Variants in PARP6 observed in about 807,000 individuals in gnomAD.
PARP6 encodes protein mono-ADP-ribosyltransferase PARP6.
A neutral mutation model predicts 92.0 loss-of-function variants in PARP6; 27 were observed. The ratio of observed to expected loss-of-function variants is 0.29; its 90% confidence interval spans 0.22 to 0.40. PARP6 has a LOEUF of 0.40. Ranked by LOEUF, PARP6 falls within the 10% of genes least tolerant of loss-of-function variation. The pLI is 1.00. For missense variants in PARP6, 501 were observed against 784.5 expected (o/e 0.64, Z 4.32); for synonymous variants, 272 against 281.2 (o/e 0.97, Z 0.33).
rs2085751811 is a variant in PARP6, at chr15:72,260,685, A to T, written c.549T>A (p.Ser183=). Residue 183 remains serine (S), a synonymous_variant, in exon 10 of 24, where the codon TCT becomes TCA. Coordinates refer to ENST00000569795, the MANE Select transcript of PARP6 (RefSeq NM_001323532.2). ...GLSIFSPIPK[S]PSFPIIQDSM... Reference sequence around the variant, plus strand: ...AGTCCTGTATGATAGGGAAACTGGGAGACCTGCAGAGAGAGAGCAAAGAGA... The same window carrying T: ...AGTCCTGTATGATAGGGAAACTGGGTGACCTGCAGAGAGAGAGCAAAGAGA... 1 of 1,607,776 alleles carries T rather than the reference A, an allele frequency of 6.2e-7. No homozygotes were observed. Among genetic ancestry groups the T allele is most frequent in the Non-Finnish European group, 8.5e-7 (1 of 1,174,220 alleles).
intron 20 of PARP6, among the ~76,000 whole-genome samples, chr15:72,247,357 G>A (rs553297642): frequency 4.6e-5 from 7 of 151,998 alleles, no homozygotes; most frequent in Non-Finnish European, 1.0e-4. Context: ...TTTTTTTGCA[G>A]AGATGGGGTA....
Position 72,242,722 on chromosome 15 carries a change from C to A in PARP6, c.1562-23G>T. On this transcript the variant is annotated intron_variant, in intron 20 of 23. Transcript: ENST00000569795. This position sits in a 1 kb window ranked among gnomAD's most constrained non-coding sequence, Gnocchi z 4.3. ...TTCCTGTCACAGAACAATACACCCA[C>A]TTCATTTATCAAAAATTTACGAAAG... 6.5e-7 allele frequency: 1 copy of A among 1,537,492 alleles called. No homozygotes were observed.
Position 72,265,441 on chromosome 15 carries a change from T to C in PARP6, c.209A>G (p.Asp70Gly), listed in dbSNP as rs760665671. Reference protein sequence around the residue: ...EYGTIDDVDIDLHINISFLDE... With the variant: ...EYGTIDDVDIGLHINISFLDE... ...GAGGAAGCTGATGTTGATGTGGAGG[T>C]CAATGTCCACGTCATCGATAGTTCC... The change falls in exon 6 of 24, where the codon GAC becomes GGC. Residue 70 changes from aspartate (D) to glycine (G), a missense_variant. Physicochemically the swap from Asp to Gly is moderately conservative, Grantham distance 94. Around this residue, in one of 4 missense-constraint regions of PARP6, gnomAD observed 291 missense variants for 352.0 expected, o/e 0.83. Transcript: ENST00000569795. 1.9e-6 allele frequency: 3 copies of C among 1,613,692 alleles called. No homozygotes were observed. The highest frequency in any genetic ancestry group is 2.5e-6 in the Non-Finnish European group (3 of 1,179,674).
chr15:72,260,737 A>C (rs750254595), intron 9 of PARP6, 49 bp from the exon 10 acceptor site: 8 of 1,428,022 alleles, frequency 5.6e-6, no homozygotes, highest in Non-Finnish European at 7.9e-6. Flanking sequence ...ATTTCATAGG[A>C]TCCCTGGAGG....
chr15:72,257,495 G>A, intron 12 of PARP6, 55 bp from the exon 13 acceptor site: 6 of 1,391,382 alleles, frequency 4.3e-6, no homozygotes, highest in Non-Finnish European at 6.1e-6. Flanking sequence ...ATAAGGTGTA[G>A]GCAGAGAGGG....
intron 2 of PARP6, among the ~76,000 whole-genome samples, chr15:72,269,096 A>G (rs1270335342): frequency 6.6e-6 from 1 of 152,220 alleles, no homozygotes; most frequent in Non-Finnish European, 1.5e-5. Context: ...CTTTGCACAC[A>G]TCGCAGCTGA....
intron 2 of PARP6, among the ~76,000 whole-genome samples, chr15:72,270,506 A>G (rs2087255831): frequency 6.6e-6 from 1 of 152,162 alleles, no homozygotes; most frequent in Non-Finnish European, 1.5e-5. Context: ...ACACTCCACA[A>G]TTGCCTCATT....
chr15:72,254,467 C>A lies in PARP6; in HGVS notation c.1179G>T (p.Arg393=), dbSNP rs773659579. The change falls in exon 15 of 24, where the codon CGG becomes CGT. Residue 393 remains arginine, a synonymous_variant. Transcript: ENST00000569795. ...QKALDSVMSI[R]EMTQGSYLEI... ...GAAGGCAGAATACCTGGGTCATCTC[C>A]CGAATAGACATCACACTATCCAGAG... 1.9e-6 allele frequency: 3 copies of A among 1,612,454 alleles called. No individual in the cohort carries two copies. In the Admixed American group the frequency reaches 5.0e-5, roughly 27 times the overall value.
chr15:72,245,902 C>T (rs1399068880), intron 20 of PARP6: 1 of 152,164 alleles, frequency 6.6e-6, no homozygotes, highest in Non-Finnish European at 1.5e-5. Context: ...AGAAGAATCT[C>T]AGTGGGCACC....
Position 72,265,288 on chromosome 15 carries a change from T to TAG in PARP6, c.238-119_238-118dup, listed in dbSNP as rs2086433641. 4.9e-5 allele frequency: 52 copies of TAG among 1,071,386 alleles called. 2 individuals carry two copies. In the South Asian group the frequency reaches 6.6e-4, roughly 14 times the overall value. 66.4% of individuals were successfully genotyped at this position (1,071,386 alleles called of 1,614,324 possible). A position where few individuals can be genotyped will look rare whatever the true frequency, so the allele number is the denominator to read the frequency against. ...TACACACCACTGTCTGCTGATGGTCTAGGAAAGACAGAGATGAAGAATATG... is the reference window on the plus strand; with the variant it reads ...TACACACCACTGTCTGCTGATGGTCTAGAGGAAAGACAGAGATGAAGAATATG... On this transcript the variant is annotated intron_variant, in intron 6 of 23. Transcript: ENST00000569795.
At chr15:72,250,538 T>C in intron 18 of PARP6, 1 of 357,164 alleles carries the variant, frequency 2.8e-6, no homozygotes, top group Non-Finnish European at 5.1e-6. Context: ...CTCTCAAAAT[T>C]AGGCATAAAT....
chr15:72,242,186 C>T lies in PARP6; in HGVS notation c.1676G>A (p.Arg559Gln), dbSNP rs368978644. The change falls in exon 22 of 24, where the codon CGG (arginine) becomes CAG (glutamine). Residue 559 changes from arginine to glutamine, a missense_variant. Coordinates refer to ENST00000569795, the MANE Select transcript of PARP6 (RefSeq NM_001323532.2). This position sits in a 1 kb window ranked among gnomAD's most constrained non-coding sequence, Gnocchi z 4.3. ...ACAAAGTGCTATACAGTTTAGATTC[C>T]GACTCTGCAGGAACCGTGACTGAAT... ...RSIQSRFLQS[R>Q]NLNCIALCEV... is the part of the protein sequence containing the mutation. The T allele has an allele frequency of 2.9e-5, 46 of 1,613,960 alleles. No homozygotes were observed. Among genetic ancestry groups the T allele is most frequent in the Middle Eastern group, 3.3e-4 (2 of 6,084 alleles).
intron 18 of PARP6, 58 bp from the exon 19 acceptor site, chr15:72,250,150 C>T (rs562678157): frequency 1.3e-4 from 134 of 1,064,352 alleles, no homozygotes; most frequent in Admixed American, 5.1e-4. Context: ...AGGAACACTC[C>T]CAAGACTGCC....
chr15:72,251,283 G>C, intron 16 of PARP6, 28 bp from the exon 17 acceptor site: 1 of 1,461,892 alleles, frequency 6.8e-7, no homozygotes, highest in Non-Finnish European at 9.5e-7. Flanking sequence ...AAAATAAAAA[G>C]GATAGAATAA....
At chr15:72,270,876 C>T (rs2087326251) in intron 2 of PARP6, 147 bp downstream of exon 2, 1 of 152,190 alleles carries the variant, frequency 6.6e-6, no homozygotes, top group African/African-American at 2.4e-5. Context: ...TTCTTAGTCC[C>T]TTAACACATT....
intron 18 of PARP6, 23 bp from the exon 19 acceptor site, chr15:72,250,115 T>C (rs762758245): frequency 2.0e-6 from 3 of 1,488,752 alleles, no homozygotes; most frequent in East Asian, 4.5e-5. Context: ...GTAGAATACA[T>C]GTCTCCTTAT....
At chr15:72,264,969 T>G (rs1421124000) in intron 7 of PARP6, 112 bp downstream of exon 7, 1 of 705,656 alleles carries the variant, frequency 1.4e-6, no homozygotes, top group Non-Finnish European at 2.5e-6. Context: ...ACCAATAGCC[T>G]GCAGATTGAG....
In PARP6 at chr15:72,242,350, GC is replaced by G; in HGVS notation, c.1642-131del. 2 of 717,738 alleles carry G rather than the reference GC, an allele frequency of 2.8e-6. No individual in the cohort carries two copies. The highest frequency in any genetic ancestry group is 4.8e-6 in the Non-Finnish European group (2 of 419,076). 44.5% of individuals were successfully genotyped at this position (717,738 alleles called of 1,614,324 possible). On this transcript the variant is annotated intron_variant, in intron 21 of 23. Transcript: ENST00000569795. The surrounding 1 kb of genome is among the most constrained non-coding windows in gnomAD (Gnocchi z 4.3). ...TGGGCTCCCAGCAACACCCCTCGCC[GC>G]CCAGAAAATTCTTCTTTCCCATAAT...
chr15:72,248,209 T>C (rs2083874520), intron 20 of PARP6, among the ~76,000 whole-genome samples: 2 of 152,252 alleles, frequency 1.3e-5, no homozygotes, highest in South Asian at 4.1e-4. Flanking sequence ...CTTTGGACTT[T>C]TTTGGTACTA....
Sources: allele counts gnomAD v4.1 joint callset (sites outside exome capture counted in the v4.1 genomes callset), GRCh38; gene constraint gnomAD v4.1.1; regional missense constraint gnomAD v4.1.1; non-coding constraint Gnocchi (gnomAD v3.1); transcripts MANE v1.5; gene names NCBI Gene and HGNC (gene_info 2026-07-23, HGNC 2026-07-21).